The following CNTN5 variants were observed in gnomAD, a reference collection of about 807,000 sequenced individuals.
The protein encoded by CNTN5 is contactin-5.
A neutral mutation model predicts 129.1 loss-of-function variants in CNTN5; 77 were observed. The observed-to-expected ratio is 0.60, with a 90% CI of 0.50 to 0.72. The LOEUF (loss-of-function observed/expected upper bound fraction) is 0.72, where lower values mean the gene tolerates loss of function less well. Ranked by LOEUF, CNTN5 falls within the 30% of genes least tolerant of loss-of-function variation. The pLI, the probability that CNTN5 is intolerant of heterozygous loss-of-function variation, is 0.00. For missense variants in CNTN5, 1,478 were observed against 1,328.8 expected, an observed-to-expected ratio of 1.11 and a Z score of -1.75; for synonymous variants, 509 against 465.6, an observed-to-expected ratio of 1.09 and a Z score of -1.20.
intron 1 of CNTN5, among the ~76,000 whole-genome samples, chr11:99,151,270 G>A (rs1294257167): frequency 6.6e-6 from 1 of 152,044 alleles, no homozygotes; most frequent in Non-Finnish European, 1.5e-5. Context: ...TCATGTGTGT[G>A]TACATGCATT....
chr11:99,363,103 G>A (rs1246938327), intron 2 of CNTN5, among the ~76,000 whole-genome samples: 2 of 151,894 alleles, frequency 1.3e-5, no homozygotes, highest in African/African-American at 4.8e-5. Context: ...ATAGATTGCT[G>A]TGAAAAGCAT....
chr11:100,279,910 C>T (rs500858), intron 18 of CNTN5, among the ~76,000 whole-genome samples: 32 of 114,646 alleles, frequency 2.8e-4, no homozygotes, highest in East Asian at 5.2e-4. Flanking sequence ...TTTTCTTTTT[C>T]TTTTTTTTTT....
chr11:99,614,194 T>G (rs1176807024), intron 3 of CNTN5, among the ~76,000 whole-genome samples: 1 of 152,244 alleles, frequency 6.6e-6, no homozygotes, highest in Non-Finnish European at 1.5e-5. Flanking sequence ...GGTATTACAC[T>G]CCTATGTGCT....
At chr11:99,507,399 AG>A (rs1199970412) in intron 2 of CNTN5, among the ~76,000 whole-genome samples, 1 of 146,752 alleles carries the variant, frequency 6.8e-6, no homozygotes, top group African/African-American at 2.5e-5. Context: ...AAAAAAAGAA[AG>A]GTTTTTCAAA....
chr11:99,034,081 G>C (rs1863560189), intron 1 of CNTN5, among the ~76,000 whole-genome samples: 1 of 152,150 alleles, frequency 6.6e-6, no homozygotes, highest in East Asian at 1.9e-4. Context: ...TTATTGATCT[G>C]TATATATTCA....
chr11:99,577,514 T>A (rs1949395363), intron 3 of CNTN5, among the ~76,000 whole-genome samples: 1 of 152,204 alleles, frequency 6.6e-6, no homozygotes, highest in Admixed American at 6.5e-5. Context: ...ATGAAGCAAT[T>A]TGCTGTAACT....
intron 1 of CNTN5, among the ~76,000 whole-genome samples, chr11:99,214,224 A>G (rs1859993145): frequency 6.6e-6 from 1 of 152,040 alleles, no homozygotes; most frequent in Admixed American, 6.6e-5. Context: ...AGTTTGGACA[A>G]AGGAACCAGC....
chr11:100,059,686 C>T (rs1422334205), intron 9 of CNTN5, among the ~76,000 whole-genome samples: 1 of 151,982 alleles, frequency 6.6e-6, no homozygotes, highest in Non-Finnish European at 1.5e-5. Flanking sequence ...GCAGATTGAT[C>T]AAATGCGATG....
chr11:100,301,076 T>C (rs1271719328), intron 20 of CNTN5, among the ~76,000 whole-genome samples: 1 of 151,642 alleles, frequency 6.6e-6, no homozygotes, highest in African/African-American at 2.4e-5. Flanking sequence ...CTATACTGCC[T>C]CATCAGGAAT....
chr11:99,868,392 T>C (rs997989297), intron 6 of CNTN5, among the ~76,000 whole-genome samples: 4 of 152,174 alleles, frequency 2.6e-5, no homozygotes, highest in Admixed American at 6.5e-5. Context: ...ACAATAGTTG[T>C]TTTAATTTTC....
chr11:99,189,959 T>G (rs987193817), intron 1 of CNTN5, among the ~76,000 whole-genome samples: 1 of 151,712 alleles, frequency 6.6e-6, no homozygotes. Context: ...GCTTTTTTAT[T>G]CCTATCCAAA....
intron 18 of CNTN5, among the ~76,000 whole-genome samples, chr11:100,286,088 C>G (rs967292505): frequency 3.3e-5 from 5 of 152,250 alleles, no homozygotes; most frequent in African/African-American, 1.2e-4. Context: ...TATCCCGCAC[C>G]TGGCTGGGAG....
chr11:99,093,994 A>G lies in CNTN5; in HGVS notation c.-210+72724A>G, dbSNP rs554971070. 1.7e-4 allele frequency among the ~76,000 whole-genome samples: 26 copies of G among 152,112 alleles called. No individual in the cohort carries two copies. In the South Asian group the frequency reaches 4.8e-3, roughly 28 times the overall value. The stretch of plus-strand genomic sequence containing the variant: ...ATATTGATATATAACATATAAGATA[A>G]TATAATATAGTAGAAATATTTCTGA... On this transcript the variant is annotated intron_variant, in intron 1 of 24. Transcript: ENST00000524871.
intron 20 of CNTN5, among the ~76,000 whole-genome samples, chr11:100,300,441 C>T (rs1951193934): frequency 6.6e-6 from 1 of 151,486 alleles, no homozygotes. Context: ...AGGCAGCATT[C>T]ACTTTCCCCA....
intron 9 of CNTN5, among the ~76,000 whole-genome samples, chr11:100,029,903 T>A (rs1488119168): frequency 6.6e-6 from 1 of 152,206 alleles, no homozygotes; most frequent in Admixed American, 6.5e-5. Context: ...TATGCTTCTG[T>A]CATCTATTTA....
rs146791088 is a variant in CNTN5, at chr11:99,609,851, T to C, written c.55+53582T>C. The stretch of plus-strand genomic sequence containing the variant: ...GGTGTAGTTCTTTTTGCAAGGTCCT[T>C]AGTTTTACTCAGTGCCATTTTCTTT... On this transcript the variant is annotated intron_variant, in intron 3 of 24. Transcript: ENST00000524871. Among the ~76,000 whole-genome samples, 759 of 152,262 alleles carry C rather than the reference T, an allele frequency of 5.0e-3. 6 individuals carry two copies. The highest frequency in any genetic ancestry group is 0.017 in the African/African-American group (720 of 41,552).
intron 3 of CNTN5, among the ~76,000 whole-genome samples, chr11:99,808,222 A>G (rs1946329742): frequency 1.3e-5 from 2 of 152,200 alleles, no homozygotes; most frequent in South Asian, 2.1e-4. Context: ...TGCAAATACT[A>G]TGGATGAGGC....
chr11:99,317,015 T>A (rs1865371237), intron 1 of CNTN5, among the ~76,000 whole-genome samples: 1 of 152,160 alleles, frequency 6.6e-6, no homozygotes, highest in Admixed American at 6.5e-5. Flanking sequence ...TCAGCTTTAG[T>A]TGCTCTCAGA....
intron 2 of CNTN5, among the ~76,000 whole-genome samples, chr11:99,464,565 G>C (rs1055155332): frequency 6.6e-6 from 1 of 152,102 alleles, no homozygotes; most frequent in Non-Finnish European, 1.5e-5. Context: ...AATATAACAG[G>C]AAAAGGTGTC....
Sources: gnomAD v4.1 joint callset for allele counts (sites outside exome capture counted in the v4.1 genomes callset) on GRCh38, gnomAD v4.1.1 for gene constraint, MANE v1.5 for transcripts, NCBI Gene and HGNC (gene_info 2026-07-23, HGNC 2026-07-21) for gene names.